NDP: variants seen among roughly 807,000 people sequenced by gnomAD.
The protein encoded by NDP is norrin cystine knot growth factor NDP, also known as norrin.
In NDP, 2 loss-of-function variants were observed where a neutral mutation model predicts 8.4. That is an observed-to-expected ratio of 0.24 (90% confidence interval 0.10 to 0.75). The LOEUF (loss-of-function observed/expected upper bound fraction) is 0.75. NDP is among the 30% of genes least tolerant of loss of function. NDP has a pLI of 0.73. For missense variants in NDP, 81 were observed against 110.1 expected (o/e 0.74, Z 1.18); for synonymous variants, 55 against 45.6 (o/e 1.21, Z -0.83).
At chrX:43,953,845 CAG>C (rs2035776354) in intron 2 of NDP, among the ~76,000 whole-genome samples, 1 of 112,830 alleles carries the variant, frequency 8.9e-6, no homozygotes, top group Non-Finnish European at 1.9e-5. Context: ...TGCCAACTCA[CAG>C]ACTTCCTTAT....
chrX:43,957,177 G>T lies in NDP; in HGVS notation c.174+1295C>A, dbSNP rs964872773. The stretch of plus-strand genomic sequence containing the variant: ...CTGTTTCTGAAGGGGGAGGGAAGGA[G>T]AAACTAATAATTGCTGCAGTCAACC... On this transcript the variant is annotated intron_variant, in intron 2 of 2. Coordinates refer to ENST00000642620, the MANE Select transcript of NDP (RefSeq NM_000266.4). Among the ~76,000 whole-genome samples the T allele has an allele frequency of 4.5e-5, 5 of 111,888 alleles. No homozygotes were observed. The South Asian group carries it at 1.8e-3, about 41-fold the overall frequency.
chrX:43,959,798 G>A (rs1255292472), intron 1 of NDP, among the ~76,000 whole-genome samples: 4 of 111,437 alleles, frequency 3.6e-5, no homozygotes, highest in Non-Finnish European at 5.6e-5. Flanking sequence ...AGGAAAATTG[G>A]GAGGGCCTGC....
chrX:43,950,458 C>CAAAAA (rs11292831), intron 2 of NDP, among the ~76,000 whole-genome samples: 11 of 59,297 alleles, frequency 1.9e-4, no homozygotes, highest in Non-Finnish European at 2.5e-4. Context: ...AAATGACTAC[C>CAAAAA]AAAAAAAAAA....
intron 1 of NDP, among the ~76,000 whole-genome samples, chrX:43,962,954 G>A (rs746444739): frequency 8.9e-6 from 1 of 112,127 alleles, no homozygotes; most frequent in Non-Finnish European, 1.9e-5. Context: ...AGATGGTGTT[G>A]TGCCCACAGA....
In NDP at chrX:43,963,280, T is replaced by C. The variant is rs993771867; in HGVS notation, c.-207-4428A>G. Among the ~76,000 whole-genome samples the C allele has an allele frequency of 4.5e-5, 5 of 111,919 alleles. No homozygotes were observed. In the South Asian group the frequency reaches 1.5e-3, roughly 33 times the overall value. ...GGTCAGGGGAAAAATATAGTTCCTA[T>C]CCTCGATCCCTCTTCTAGCTCACTG... On this transcript the variant is annotated intron_variant, in intron 1 of 2. Coordinates refer to ENST00000642620, the MANE Select transcript of NDP (RefSeq NM_000266.4).
intron 2 of NDP, among the ~76,000 whole-genome samples, chrX:43,953,582 A>G (rs1326974308): frequency 8.9e-6 from 1 of 112,648 alleles, no homozygotes; most frequent in Non-Finnish European, 1.9e-5. Flanking sequence ...TTTCGCTAAT[A>G]AGAACATTTA....
intron 1 of NDP, among the ~76,000 whole-genome samples, chrX:43,971,672 T>G (rs1419486604): frequency 8.9e-6 from 1 of 112,149 alleles, no homozygotes; most frequent in East Asian, 2.8e-4. Flanking sequence ...AGCTAAATGC[T>G]TTGCTAACCG....
At chrX:43,967,722 G>GTCT (rs2035866364) in intron 1 of NDP, among the ~76,000 whole-genome samples, 1 of 111,549 alleles carries the variant, frequency 9.0e-6, no homozygotes, top group East Asian at 2.8e-4. Flanking sequence ...GGATGGAAGA[G>GTCT]GACTCCACGT....
In NDP at chrX:43,949,534, T is replaced by G; in HGVS notation, c.*265A>C. The stretch of plus-strand genomic sequence containing the variant: ...TGAATTGTTGGAAACCCAAACAGCA[T>G]TGAGAGCCAAGGGGGAAAATGCCTG... On this transcript the variant is annotated 3_prime_UTR_variant, in exon 3 of 3. Coordinates refer to ENST00000642620, the MANE Select transcript of NDP (RefSeq NM_000266.4). The G allele has an allele frequency of 2.6e-6, 1 of 384,057 alleles. No homozygotes were observed. The highest frequency in any genetic ancestry group is 4.6e-6 in the Non-Finnish European group (1 of 217,223). 31.7% of individuals were successfully genotyped at this position (384,057 alleles called of 1,213,427 possible). A position where few individuals can be genotyped will look rare whatever the true frequency, so the allele number is the denominator to read the frequency against.
chrX:43,953,067 T>G (rs1237431278), intron 2 of NDP, among the ~76,000 whole-genome samples: 2 of 108,955 alleles, frequency 1.8e-5, no homozygotes, highest in Non-Finnish European at 3.8e-5. Context: ...GTAGCCAAAT[T>G]CAAATGCTCT....
At chrX:43,957,012 T>G (rs1323399447) in intron 2 of NDP, among the ~76,000 whole-genome samples, 14 of 112,377 alleles carry the variant, frequency 1.2e-4, no homozygotes, top group Non-Finnish European at 2.4e-4. Context: ...CCTATTTCTT[T>G]GTTCCTTTCT....
intron 1 of NDP, chrX:43,960,805 T>C (rs1189529199): frequency 1.8e-5 from 2 of 112,335 alleles, no homozygotes; most frequent in Non-Finnish European, 3.8e-5. Context: ...CAGGAGTCAA[T>C]GGCAAAAGGA....
At chrX:43,963,977 C>T (rs923482461) in intron 1 of NDP, among the ~76,000 whole-genome samples, 2 of 112,303 alleles carry the variant, frequency 1.8e-5, no homozygotes, top group African/African-American at 3.2e-5. Context: ...CCAGGTATCT[C>T]CAAGGATGGG....
intron 2 of NDP, among the ~76,000 whole-genome samples, chrX:43,953,985 G>C (rs996094018): frequency 8.9e-6 from 1 of 112,594 alleles, no homozygotes; most frequent in Non-Finnish European, 1.9e-5. Context: ...TCTTCCAAGA[G>C]CCTTGACTGA....
intron 1 of NDP, 123 bp from the exon 2 acceptor site, chrX:43,958,975 C>G (rs751529532): frequency 3.7e-6 from 1 of 267,770 alleles, no homozygotes; most frequent in Non-Finnish European, 6.8e-6. Flanking sequence ...GTTTCTAGAG[C>G]GTCATTAGCA....
intron 2 of NDP, among the ~76,000 whole-genome samples, chrX:43,954,225 C>T (rs1008133786): frequency 9.0e-5 from 10 of 111,344 alleles, no homozygotes; most frequent in African/African-American, 1.6e-4. Context: ...CTCATAACTC[C>T]GCTCATCTTC....
In NDP at chrX:43,958,554, A is replaced by T. The variant is rs146445684; in HGVS notation, c.92T>A (p.Ile31Lys). The T allele has an allele frequency of 1.4e-5, 17 of 1,209,976 alleles. No individual in the cohort carries two copies. In the African/African-American group the frequency reaches 3.0e-4, roughly 21 times the overall value. The change falls in exon 2 of 3, where the codon ATA becomes AAA. Residue 31 changes from isoleucine to lysine, a missense_variant. Ile to Lys is a moderately radical substitution (Grantham distance 102, BLOSUM62 -3). Transcript: ENST00000642620. ...DTDSKTDSSF[I>K]MDSDPRRCMR... ...GCAGCGTCGAGGGTCCGAGTCCATT[A>T]TGAATGAGCTGTCCGTTTTACTGTC... is the stretch of plus-strand genomic sequence containing the variant.
At chrX:43,955,000 C>A (rs1361149008) in intron 2 of NDP, among the ~76,000 whole-genome samples, 2 of 111,473 alleles carry the variant, frequency 1.8e-5, no homozygotes, top group Non-Finnish European at 3.8e-5. Flanking sequence ...CCCCCTCCAG[C>A]CCCTCCTTCC....
rs192875708 is a variant in NDP at position 43,958,319 on chromosome X, A to T, written c.174+153T>A. On this transcript the variant is annotated intron_variant, in intron 2 of 2. Coordinates refer to ENST00000642620, the MANE Select transcript of NDP (RefSeq NM_000266.4). ...ATAACAGTGCAAAGCACGGGGGGAA[A>T]TTCTAAAAGCCTCATTCTCCCACAA... Among the ~76,000 whole-genome samples the T allele has an allele frequency of 5.3e-5, 6 of 112,547 alleles. No homozygotes were observed. In the East Asian group the frequency reaches 1.1e-3, roughly 21 times the overall value.
Sources: allele counts gnomAD v4.1 joint callset (sites outside exome capture counted in the v4.1 genomes callset), GRCh38; gene constraint gnomAD v4.1.1; transcripts MANE v1.5; gene names NCBI Gene and HGNC (gene_info 2026-07-23, HGNC 2026-07-21).